PCDHAC2: variants seen among roughly 807,000 people sequenced by gnomAD.
The protein encoded by PCDHAC2 is protocadherin alpha-C2.
Under a neutral mutation model 63.3 loss-of-function variants are expected in PCDHAC2, and 24 were observed. The observed-to-expected ratio is 0.38, with a 90% CI of 0.27 to 0.53. PCDHAC2 has a LOEUF of 0.53. Ranked by LOEUF, PCDHAC2 falls within the 20% of genes least tolerant of loss-of-function variation. The pLI is 0.81. For missense variants in PCDHAC2, 1,181 were observed against 1,275.2 expected (o/e 0.93, Z 1.12); for synonymous variants, 569 against 529.4 (o/e 1.07, Z -1.03).
At chr5:140,994,573 C>A (rs1587629172) in intron 3 of PCDHAC2, among the ~76,000 whole-genome samples, 1 of 152,000 alleles carries the variant, frequency 6.6e-6, no homozygotes, top group African/African-American at 2.4e-5. Context: ...GGTGTGGTGG[C>A]ATGCACTTGT....
At chr5:140,991,648 A>G (rs2097463830) in intron 3 of PCDHAC2, among the ~76,000 whole-genome samples, 1 of 152,192 alleles carries the variant, frequency 6.6e-6, no homozygotes, top group Non-Finnish European at 1.5e-5. Context: ...GTTCATGACA[A>G]TTTAGGTTTG....
Position 141,009,646 on chromosome 5 carries a change from G to A in PCDHAC2, c.2733G>A (p.Val911=), listed in dbSNP as rs369515881. 16 of 1,613,668 alleles carry A rather than the reference G, an allele frequency of 9.9e-6. No individual in the cohort carries two copies. The highest frequency in any genetic ancestry group is 5.5e-5 in the South Asian group (5 of 91,030). ...TTTCAGAACCAGAGGCAGGAGAAGT[G>A]TCCCCTCCAGTCGGTGCGGGTGTCA... is the stretch of plus-strand genomic sequence containing the variant. ...SATPEPEAGE[V]SPPVGAGVNS... The change falls in exon 4 of 4, where the codon GTG becomes GTA. Residue 911 remains valine, a synonymous_variant. Coordinates refer to ENST00000289269, the MANE Select transcript of PCDHAC2 (RefSeq NM_018899.6).
intron 2 of PCDHAC2, 171 bp downstream of exon 2, chr5:140,979,178 G>T: frequency 1.1e-6 from 1 of 944,140 alleles, no homozygotes; most frequent in Non-Finnish European, 1.3e-6. Flanking sequence ...GATCGCAAAT[G>T]GTCAGTGCCA....
At chr5:141,002,134 C>T (rs1477082485) in intron 3 of PCDHAC2, among the ~76,000 whole-genome samples, 1 of 152,216 alleles carries the variant, frequency 6.6e-6, no homozygotes, top group African/African-American at 2.4e-5. Flanking sequence ...TAGCCTTTGC[C>T]GGCTGCACTG....
chr5:140,974,578 C>A (rs1554236214), intron 1 of PCDHAC2, among the ~76,000 whole-genome samples: 1 of 152,170 alleles, frequency 6.6e-6, no homozygotes, highest in Non-Finnish European at 1.5e-5. Flanking sequence ...ATGGCATGAT[C>A]TTGGCTCACT....
At chr5:140,972,101 A>C (rs114554334) in intron 1 of PCDHAC2, among the ~76,000 whole-genome samples, 3,080 of 152,290 alleles carry the variant, frequency 0.02, 42 homozygotes, top group Middle Eastern at 0.075. Flanking sequence ...CTGGCATAGA[A>C]GCAGGTAACA....
In PCDHAC2 at chr5:140,968,410, T is replaced by A. The variant is rs1554230678; in HGVS notation, c.1644T>A (p.Thr548=). 1.2e-6 allele frequency: 2 copies of A among 1,614,040 alleles called. No homozygotes were observed. Among genetic ancestry groups the A allele is most frequent in the Non-Finnish European group, 1.7e-6 (2 of 1,180,010 alleles). The change falls in exon 1 of 4, where the codon ACT becomes ACA. Residue 548 remains threonine (T), a synonymous_variant. Coordinates refer to ENST00000289269, the MANE Select transcript of PCDHAC2 (RefSeq NM_018899.6). ...DYEKFREFFV[T]VEAQDKGSPP... is the part of the protein sequence containing the mutation. The stretch of plus-strand genomic sequence containing the variant: ...AGAAGTTTCGGGAGTTCTTTGTGAC[T>A]GTGGAGGCTCAGGACAAGGGGAGCC...
At position 140,977,800 on chromosome 5, in the gene PCDHAC2, T is replaced by G. The variant is rs572772764; in HGVS notation, c.2566-1149T>G. On this transcript the variant is annotated intron_variant, in intron 1 of 3. Coordinates refer to ENST00000289269, the MANE Select transcript of PCDHAC2 (RefSeq NM_018899.6). Reference sequence around the variant, plus strand: ...AAAGGAACTATATGAATGATAGGAATAAGAATTATTGACAGTTTTGAATGG... The same window carrying G: ...AAAGGAACTATATGAATGATAGGAAGAAGAATTATTGACAGTTTTGAATGG... Among the ~76,000 whole-genome samples, 3 of 152,356 alleles carry G rather than the reference T, an allele frequency of 2.0e-5. No individual in the cohort carries two copies. In the East Asian group the frequency reaches 5.8e-4, roughly 29 times the overall value.
At chr5:140,998,156 C>T (rs782675490) in intron 3 of PCDHAC2, among the ~76,000 whole-genome samples, 3 of 152,178 alleles carry the variant, frequency 2.0e-5, no homozygotes, top group Non-Finnish European at 4.4e-5. Context: ...ACAGTTAAGC[C>T]ATGTGCCAAG....
intron 3 of PCDHAC2, among the ~76,000 whole-genome samples, chr5:140,991,094 A>G (rs144874764): frequency 9.8e-4 from 150 of 152,358 alleles, no homozygotes; most frequent in African/African-American, 3.5e-3. Context: ...ATTAAAGCTC[A>G]TAAGAATTAA....
intron 3 of PCDHAC2, among the ~76,000 whole-genome samples, chr5:141,000,385 C>CAA (rs1399640915): frequency 2.3e-4 from 15 of 64,992 alleles, no homozygotes; most frequent in African/African-American, 9.7e-4. Context: ...CTCTCTCTCT[C>CAA]TCTCTCTCTC....
intron 1 of PCDHAC2, among the ~76,000 whole-genome samples, chr5:140,970,569 C>T (rs1346474165): frequency 3.9e-5 from 6 of 152,038 alleles, no homozygotes; most frequent in African/African-American, 1.4e-4. Flanking sequence ...CATATGTATG[C>T]TTGAAATAAC....
Position 141,010,263 on chromosome 5 carries a change from C to T in PCDHAC2, c.*326C>T, listed in dbSNP as rs782479376. On this transcript the variant is annotated 3_prime_UTR_variant, in exon 4 of 4. Transcript: ENST00000289269. Reference sequence around the variant, plus strand: ...AGGTTGGACTCTCTGCCCTGTGCTCCGGGGATCCTGTCTTGATGACACTTG... The same window carrying T: ...AGGTTGGACTCTCTGCCCTGTGCTCTGGGGATCCTGTCTTGATGACACTTG... The T allele has an allele frequency of 8.4e-6, 13 of 1,551,608 alleles. No homozygotes were observed. Among genetic ancestry groups the T allele is most frequent in the African/African-American group, 5.5e-5 (4 of 73,018 alleles).
chr5:140,997,713 T>C (rs2097782364), intron 3 of PCDHAC2, among the ~76,000 whole-genome samples: 1 of 151,942 alleles, frequency 6.6e-6, no homozygotes, highest in African/African-American at 2.4e-5. Flanking sequence ...AACAAACACC[T>C]TTCTACGTCA....
chr5:140,998,690 A>G (rs1310258939), intron 3 of PCDHAC2, among the ~76,000 whole-genome samples: 1 of 151,696 alleles, frequency 6.6e-6, no homozygotes, highest in Non-Finnish European at 1.5e-5. Flanking sequence ...TCAGCCTCCC[A>G]AGTAGCTGGG....
chr5:140,968,123 C>A lies in PCDHAC2; in HGVS notation c.1357C>A (p.Arg453Ser). Residue 453 changes from arginine to serine, a missense_variant, in exon 1 of 4, where the codon CGT becomes AGT. Physicochemically the swap from Arg to Ser is moderately radical, Grantham distance 110. This residue lies in a region of PCDHAC2 where 968 missense variants were observed against 1,073.5 expected (regional missense o/e 0.90). Coordinates refer to ENST00000289269, the MANE Select transcript of PCDHAC2 (RefSeq NM_018899.6). ...DGGIPQLTSL[R>S]TLKVEISDIN... ...GGGAATACCGCAGCTCACATCCCTG[C>A]GTACACTGAAGGTTGAGATCTCTGA... 1 of 1,614,178 alleles carries A rather than the reference C, an allele frequency of 6.2e-7. No homozygotes were observed. Among genetic ancestry groups the A allele is most frequent in the Non-Finnish European group, 8.5e-7 (1 of 1,180,034 alleles).
chr5:141,000,421 A>ATAT (rs1265241806), intron 3 of PCDHAC2, among the ~76,000 whole-genome samples: 11 of 27,980 alleles, frequency 3.9e-4, no homozygotes, highest in South Asian at 1.9e-3. Flanking sequence ...ATATATATAT[A>ATAT]TTTTTTTTTT....
rs2098420479 is a variant in PCDHAC2, at chr5:141,011,408, T to TAC, written c.*1472_*1473insCA. 6.5e-6 allele frequency: 1 copy of TAC among 153,814 alleles called. No individual in the cohort carries two copies. The highest frequency in any genetic ancestry group is 2.4e-5 in the African/African-American group (1 of 41,476). 9.5% of individuals were successfully genotyped at this position (153,814 alleles called of 1,614,324 possible). ...GAAATATACTTACTCTGTGCTTGTG[T>TAC]ATGTGAATGTTAATGCAACTATTAC... On this transcript the variant is annotated 3_prime_UTR_variant, in exon 4 of 4. Coordinates refer to ENST00000289269, the MANE Select transcript of PCDHAC2 (RefSeq NM_018899.6).
chr5:140,974,782 C>T (rs1211935245), intron 1 of PCDHAC2, among the ~76,000 whole-genome samples: 11 of 152,150 alleles, frequency 7.2e-5, no homozygotes, highest in African/African-American at 2.7e-4. Context: ...GCCACTGCGC[C>T]CAGCCCTCAT....
Sources: gnomAD v4.1 joint callset for allele counts (sites outside exome capture counted in the v4.1 genomes callset) on GRCh38, gnomAD v4.1.1 for gene constraint, gnomAD v4.1.1 regional missense constraint, MANE v1.5 for transcripts, NCBI Gene and HGNC (gene_info 2026-07-23, HGNC 2026-07-21) for gene names.